Variants in CAMKMT observed in about 807,000 individuals in gnomAD.
The protein encoded by CAMKMT is CaM KMT.
CAMKMT carries 53 observed loss-of-function variants against 48.0 expected under a neutral mutation model. The ratio of observed to expected loss-of-function variants is 1.10; its 90% CI spans 0.89 to 1.39. The LOEUF (loss-of-function observed/expected upper bound fraction) is 1.39. Among genes scored for constraint, CAMKMT ranks in the 40% most tolerant of loss-of-function variants. CAMKMT has a pLI of 0.00. For synonymous variants in CAMKMT, 165 were observed against 152.3 expected (o/e 1.08, Z -0.61); for missense variants, 428 against 402.7 (o/e 1.06, Z -0.54).
At chr2:44,489,243 ATTTTT>A (rs11389463) in intron 3 of CAMKMT, among the ~76,000 whole-genome samples, 5 of 107,752 alleles carry the variant, frequency 4.6e-5, no homozygotes, top group Non-Finnish European at 3.8e-5. Flanking sequence ...ATGGAATACT[ATTTTT>A]TTTTTTTTTT....
chr2:44,559,887 T>C (rs1668233562), intron 3 of CAMKMT, among the ~76,000 whole-genome samples: 1 of 152,246 alleles, frequency 6.6e-6, no homozygotes, highest in South Asian at 2.1e-4. Flanking sequence ...AAAGCTTCTC[T>C]ATGTTTTTGC....
intron 7 of CAMKMT, among the ~76,000 whole-genome samples, chr2:44,721,994 G>T (rs1386110874): frequency 6.6e-6 from 1 of 152,112 alleles, no homozygotes; most frequent in Non-Finnish European, 1.5e-5. Flanking sequence ...ATAAATGGAA[G>T]TGTATAATAT....
chr2:44,715,991 T>A (rs1467722235), intron 7 of CAMKMT, among the ~76,000 whole-genome samples: 2 of 152,212 alleles, frequency 1.3e-5, no homozygotes, highest in East Asian at 3.8e-4. Context: ...TGCTTGCTCT[T>A]AGCCACAACA....
rs1374318553 is a variant in CAMKMT, at chr2:44,402,738, C to CTG, written c.376+12435_376+12436dup. On this transcript the variant is annotated intron_variant, in intron 3 of 10. Coordinates refer to ENST00000378494, the MANE Select transcript of CAMKMT (RefSeq NM_024766.5). ...AATTATCTTTTCATCTTTTGTTTTG[C>CTG]TGTTTTTTTTTTTTTTTTTTTACTT... is the stretch of plus-strand genomic sequence containing the variant. 1.9e-3 allele frequency among the ~76,000 whole-genome samples: 114 copies of CTG among 59,558 alleles called. 1 individual carries two copies. The highest frequency in any genetic ancestry group is 3.4e-3 in the Non-Finnish European group (96 of 28,308). 39.1% of individuals were successfully genotyped at this position (59,558 alleles called of 152,430 possible).
chr2:44,650,930 ACAACTATTAAGACCC>A (rs1446216227), intron 3 of CAMKMT, among the ~76,000 whole-genome samples: 2 of 152,230 alleles, frequency 1.3e-5, no homozygotes, highest in Non-Finnish European at 2.9e-5. Flanking sequence ...AACAATTCAT[ACAACTATTAAGACCC>A]CAATAGCTAG....
chr2:44,674,442 G>A (rs1002132828), intron 3 of CAMKMT, among the ~76,000 whole-genome samples: 3 of 152,128 alleles, frequency 2.0e-5, no homozygotes, highest in African/African-American at 4.8e-5. Flanking sequence ...GCTGGGGTTC[G>A]AAAAATGTTA....
intron 3 of CAMKMT, among the ~76,000 whole-genome samples, chr2:44,451,872 T>C (rs889901568): frequency 1.3e-5 from 2 of 151,896 alleles, no homozygotes; most frequent in Admixed American, 1.3e-4. Context: ...AAAAGCTTTC[T>C]ATTTTGATTG....
chr2:44,691,093 G>C (rs767993360), intron 3 of CAMKMT, among the ~76,000 whole-genome samples: 3 of 152,182 alleles, frequency 2.0e-5, no homozygotes, highest in Non-Finnish European at 2.9e-5. Flanking sequence ...ATTACTTTCA[G>C]ATAAGGAATC....
chr2:44,730,990 A>G (rs181506326), intron 7 of CAMKMT, among the ~76,000 whole-genome samples: 5 of 152,322 alleles, frequency 3.3e-5, no homozygotes, highest in East Asian at 3.9e-4. Context: ...CAAGAATTCT[A>G]TCAGTGCACT....
chr2:44,398,421 A>G (rs77050694), intron 3 of CAMKMT, among the ~76,000 whole-genome samples: 1,599 of 152,306 alleles, frequency 0.01, 30 homozygotes, highest in African/African-American at 0.036. Flanking sequence ...TGGGCTCTCC[A>G]GGGTTTCTGC....
At chr2:44,368,383 A>G (rs1678832071) in intron 1 of CAMKMT, among the ~76,000 whole-genome samples, 2 of 152,222 alleles carry the variant, frequency 1.3e-5, no homozygotes, top group Non-Finnish European at 2.9e-5. Context: ...TTTTAAAGCA[A>G]TGTCAAAAGT....
intron 3 of CAMKMT, among the ~76,000 whole-genome samples, chr2:44,701,765 T>C (rs1677271991): frequency 6.6e-6 from 1 of 152,192 alleles, no homozygotes; most frequent in Non-Finnish European, 1.5e-5. Context: ...TAAGCAATCA[T>C]TATAAATAAT....
intron 3 of CAMKMT, among the ~76,000 whole-genome samples, chr2:44,563,111 C>CGGGCATGCACCCGTTAACTCATCA (rs1195446936): frequency 1.3e-5 from 2 of 151,892 alleles, no homozygotes; most frequent in African/African-American, 2.4e-5. Flanking sequence ...TAAATTAAAA[C>CGGGCATGCACCCGTTAACTCATCA]TTACAAGGTT....
At chr2:44,414,284 A>G (rs1683404607) in intron 3 of CAMKMT, among the ~76,000 whole-genome samples, 1 of 152,162 alleles carries the variant, frequency 6.6e-6, no homozygotes, top group African/African-American at 2.4e-5. Flanking sequence ...TTATCTAACA[A>G]AGTTCCTGAA....
intron 3 of CAMKMT, among the ~76,000 whole-genome samples, chr2:44,423,834 C>G (rs1684089829): frequency 6.6e-6 from 1 of 152,094 alleles, no homozygotes; most frequent in Non-Finnish European, 1.5e-5. Context: ...TTCTTAGAGG[C>G]CAACATTTTT....
intron 3 of CAMKMT, among the ~76,000 whole-genome samples, chr2:44,596,486 A>C (rs912116136): frequency 2.0e-5 from 3 of 152,136 alleles, no homozygotes; most frequent in Admixed American, 6.6e-5. Context: ...AGAAAGAAAA[A>C]GACAAATTCT....
intron 3 of CAMKMT, among the ~76,000 whole-genome samples, chr2:44,654,810 C>A (rs759292109): frequency 6.6e-6 from 1 of 152,054 alleles, no homozygotes. Flanking sequence ...CCACTGCGCC[C>A]GGCCTACACG....
chr2:44,590,728 C>G (rs1670212396), intron 3 of CAMKMT, among the ~76,000 whole-genome samples: 1 of 152,082 alleles, frequency 6.6e-6, no homozygotes, highest in Non-Finnish European at 1.5e-5. Context: ...ATGGTAGTTT[C>G]TTTTGCTGTG....
chr2:44,364,282 G>C (rs1572627602), intron 1 of CAMKMT, among the ~76,000 whole-genome samples: 1 of 151,982 alleles, frequency 6.6e-6, no homozygotes, highest in Non-Finnish European at 1.5e-5. Context: ...CGAAACTTTT[G>C]GTATATATCT....
Sources: gnomAD v4.1 joint callset for allele counts (sites outside exome capture counted in the v4.1 genomes callset) on GRCh38, gnomAD v4.1.1 for gene constraint, MANE v1.5 for transcripts, NCBI Gene and HGNC (gene_info 2026-07-23, HGNC 2026-07-21) for gene names.